The following CBFB variants were observed in gnomAD, a reference collection of about 807,000 sequenced individuals.
The protein encoded by CBFB is core-binding factor subunit beta.
Under a neutral mutation model 30.4 loss-of-function variants are expected in CBFB, and 9 were observed. That is an observed-to-expected ratio of 0.30 (90% CI 0.18 to 0.52). The LOEUF is 0.52. Among genes scored for constraint, CBFB ranks in the 20% least tolerant of loss-of-function variants. The pLI is 0.97. For synonymous variants in CBFB, 94 were observed against 84.0 expected (o/e 1.12, Z -0.65); for missense variants, 170 against 244.0 (o/e 0.70, Z 2.02).
At chr16:67,041,670 A>T (rs943722775) in intron 3 of CBFB, among the ~76,000 whole-genome samples, 3 of 151,040 alleles carry the variant, frequency 2.0e-5, no homozygotes, top group African/African-American at 4.9e-5. Context: ...TGTCATCGGG[A>T]TGGGAAAACT....
At chr16:67,037,666 A>ATTT (rs35804914) in intron 3 of CBFB, among the ~76,000 whole-genome samples, 42 of 129,288 alleles carry the variant, frequency 3.2e-4, no homozygotes, top group African/African-American at 1.1e-3. Flanking sequence ...GATTTTGGTA[A>ATTT]TTTTTTTTTT....
intron 2 of CBFB, among the ~76,000 whole-genome samples, chr16:67,031,784 A>G (rs1966354958): frequency 6.6e-6 from 1 of 150,666 alleles, no homozygotes; most frequent in Admixed American, 6.6e-5. Context: ...AAGTGCTGGG[A>G]TTACAGGTGT....
intron 3 of CBFB, among the ~76,000 whole-genome samples, chr16:67,045,044 A>G (rs1215808789): frequency 3.3e-5 from 5 of 152,208 alleles, no homozygotes; most frequent in Admixed American, 6.5e-5. Flanking sequence ...GATAAACTAT[A>G]ATACTCTAAT....
At chr16:67,062,856 G>T (rs963345761) in intron 3 of CBFB, among the ~76,000 whole-genome samples, 7 of 152,066 alleles carry the variant, frequency 4.6e-5, no homozygotes, top group Non-Finnish European at 8.8e-5. Context: ...CAATTCTAAA[G>T]AATATAAATC....
intron 4 of CBFB, among the ~76,000 whole-genome samples, chr16:67,069,276 A>G (rs912259853): frequency 5.7e-4 from 86 of 152,210 alleles, no homozygotes; most frequent in African/African-American, 2.0e-3. Flanking sequence ...AGGCTGAGTT[A>G]GGAGAATAGC....
intron 5 of CBFB, among the ~76,000 whole-genome samples, chr16:67,091,974 A>G (rs539243756): frequency 1.3e-5 from 2 of 152,162 alleles, no homozygotes; most frequent in South Asian, 2.1e-4. Flanking sequence ...CCCGGGTTCA[A>G]GCGATTCTCC....
intron 5 of CBFB, among the ~76,000 whole-genome samples, chr16:67,097,085 A>T (rs891686812): frequency 6.6e-6 from 1 of 152,072 alleles, no homozygotes; most frequent in African/African-American, 2.4e-5. Flanking sequence ...GAATACAAAA[A>T]TTAGCCAGGT....
At chr16:67,080,141 A>G (rs1042548979) in intron 4 of CBFB, among the ~76,000 whole-genome samples, 9 of 152,202 alleles carry the variant, frequency 5.9e-5, no homozygotes, top group Non-Finnish European at 1.3e-4. Flanking sequence ...TGTGACGGCA[A>G]AGGCCAAGCA....
chr16:67,072,325 A>G (rs1318837447), intron 4 of CBFB, among the ~76,000 whole-genome samples: 1 of 152,314 alleles, frequency 6.6e-6, no homozygotes, highest in East Asian at 1.9e-4. Flanking sequence ...TCTTTATGCT[A>G]ATCTTCTGAA....
chr16:67,091,236 A>G (rs561234157), intron 5 of CBFB, among the ~76,000 whole-genome samples: 1 of 152,272 alleles, frequency 6.6e-6, no homozygotes, highest in African/African-American at 2.4e-5. Context: ...CTTTATTAAG[A>G]TTTATTTTTG....
At chr16:67,088,060 C>G (rs1370739975) in intron 5 of CBFB, among the ~76,000 whole-genome samples, 1 of 152,094 alleles carries the variant, frequency 6.6e-6, no homozygotes. Flanking sequence ...ATATTTTCAT[C>G]AATGATTTAA....
chr16:67,078,989 G>A (rs1035355426), intron 4 of CBFB, among the ~76,000 whole-genome samples: 3 of 152,162 alleles, frequency 2.0e-5, no homozygotes, highest in Non-Finnish European at 4.4e-5. Flanking sequence ...CGGCAGATGT[G>A]TCCCAGTTGA....
intron 5 of CBFB, chr16:67,093,730 A>G (rs543951546): frequency 1.3e-5 from 2 of 152,298 alleles, no homozygotes; most frequent in Non-Finnish European, 2.9e-5. Context: ...TAAAACCCCA[A>G]TTCTGAAATA....
chr16:67,076,657 ACTCCTGAC>A (rs1371751019), intron 4 of CBFB, among the ~76,000 whole-genome samples: 1 of 152,100 alleles, frequency 6.6e-6, no homozygotes, highest in Non-Finnish European at 1.5e-5. Context: ...AAAGTCTCAA[ACTCCTGAC>A]CTCAGGTGAT....
intron 4 of CBFB, among the ~76,000 whole-genome samples, chr16:67,078,270 G>A (rs568778694): frequency 1.3e-5 from 2 of 152,280 alleles, no homozygotes; most frequent in Admixed American, 1.3e-4. Flanking sequence ...AAGACAAGCT[G>A]GGCACGGTGG....
intron 3 of CBFB, among the ~76,000 whole-genome samples, chr16:67,055,353 C>CTTTTTTTTT (rs1960686305): frequency 8.5e-6 from 1 of 117,434 alleles, no homozygotes; most frequent in African/African-American, 3.7e-5. Flanking sequence ...ATTCCAGACA[C>CTTTTTTTTT]TTTCTTTTTT....
intron 3 of CBFB, among the ~76,000 whole-genome samples, chr16:67,059,978 T>TTC (rs1960849082): frequency 7.7e-6 from 1 of 129,048 alleles, no homozygotes. Context: ...CTTTCTTTCT[T>TTC]TTTTTTTTTT....
At chr16:67,030,078 A>C (rs2145703620) in intron 2 of CBFB, 76 of 350,406 alleles carry the variant, frequency 2.2e-4, no homozygotes, top group East Asian at 5.4e-4. Flanking sequence ...CAGACTAAAC[A>C]AGCGAAGGGC....
At chr16:67,094,254 G>A (rs974591881) in intron 5 of CBFB, among the ~76,000 whole-genome samples, 45 of 151,498 alleles carry the variant, frequency 3.0e-4, no homozygotes, top group African/African-American at 1.0e-3. Context: ...CACCGTGTCC[G>A]GGCCCCTCAT....
Sources: gnomAD v4.1 joint callset for allele counts (sites outside exome capture counted in the v4.1 genomes callset) on GRCh38, gnomAD v4.1.1 for gene constraint, MANE v1.5 for transcripts, NCBI Gene and HGNC (gene_info 2026-07-23, HGNC 2026-07-21) for gene names.